The following NRDC variants were observed in gnomAD, a reference collection of about 807,000 sequenced individuals.
NRDC encodes nardilysin convertase, also known as nardilysin.
In NRDC, 54 loss-of-function variants were observed where a neutral mutation model predicts 147.1. That is an observed-to-expected ratio of 0.37 (90% confidence interval 0.29 to 0.46). NRDC has a LOEUF of 0.46. NRDC is among the 20% of genes least tolerant of loss of function. NRDC has a pLI of 1.00. For missense variants in NRDC, 1,082 were observed against 1,370.6 expected (o/e 0.79, Z 3.33); for synonymous variants, 440 against 482.1 (o/e 0.91, Z 1.14).
chr1:51,859,047 T>C (rs1361777107), intron 1 of NRDC, among the ~76,000 whole-genome samples: 6 of 152,234 alleles, frequency 3.9e-5, no homozygotes, highest in South Asian at 2.1e-4. Context: ...TCTTAGGTTG[T>C]GCTTTTGAGA....
Position 51,792,116 on chromosome 1 carries a change from GCC to G in NRDC, c.2824-20_2824-19del, listed in dbSNP as rs1440387300. The G allele has an allele frequency of 1.2e-6, 2 of 1,613,308 alleles. No individual in the cohort carries two copies. Among genetic ancestry groups the G allele is most frequent in the Non-Finnish European group, 1.7e-6 (2 of 1,179,926 alleles). On this transcript the variant is annotated intron_variant, in intron 25 of 30. Transcript: ENST00000352171. ...ATGTGCATCTGTAATTCAACATACT[GCC>G]CATCAGCCCAACTCCTCCCAGCAGA...
intron 1 of NRDC, among the ~76,000 whole-genome samples, chr1:51,851,096 G>T (rs1331173355): frequency 6.6e-6 from 1 of 152,136 alleles, no homozygotes; most frequent in Non-Finnish European, 1.5e-5. Flanking sequence ...GGACAGATCC[G>T]TGTATTTGGC....
Position 51,794,608 on chromosome 1 carries a change from T to C in NRDC, c.2639A>G (p.Lys880Arg). Reference protein sequence around the residue: ...SMDFLKYVVDKLNFKPLEQEM... With the variant: ...SMDFLKYVVDRLNFKPLEQEM... ...CTGCTCCAGAGGCTTGAAGTTTAGTTTGCTGCAAGAGAATCAGTATGGGTC... is the reference window on the plus strand; with the variant it reads ...CTGCTCCAGAGGCTTGAAGTTTAGTCTGCTGCAAGAGAATCAGTATGGGTC... Residue 880 changes from lysine (K) to arginine (R), a missense_variant and splice_region_variant, in exon 24 of 31, where the codon AAA (lysine) becomes AGA (arginine). By Grantham distance (26) the Lys-to-Arg change is conservative (BLOSUM62 2). This residue lies in a region of NRDC where 635 missense variants were observed against 923.8 expected (regional missense o/e 0.69). Coordinates refer to ENST00000352171, the MANE Select transcript of NRDC (RefSeq NM_001101662.2). The C allele has an allele frequency of 6.2e-7, 1 of 1,614,084 alleles. No homozygotes were observed. The highest frequency in any genetic ancestry group is 1.1e-5 in the South Asian group (1 of 91,086).
intron 9 of NRDC, among the ~76,000 whole-genome samples, chr1:51,818,730 A>G (rs1425742731): frequency 6.6e-6 from 1 of 152,198 alleles, no homozygotes; most frequent in Admixed American, 6.5e-5. Context: ...AAAGCAAAAG[A>G]GACTGGTAAC....
chr1:51,819,675 T>G, intron 9 of NRDC, 125 bp downstream of exon 9: 1 of 728,434 alleles, frequency 1.4e-6, no homozygotes, highest in Non-Finnish European at 2.3e-6. Flanking sequence ...CCCATCTACT[T>G]CCTTTCCAAC....
intron 1 of NRDC, among the ~76,000 whole-genome samples, chr1:51,859,409 CTGG>C (rs1233537285): frequency 6.6e-6 from 1 of 152,208 alleles, no homozygotes; most frequent in African/African-American, 2.4e-5. Flanking sequence ...AGTCAGAGGT[CTGG>C]ATGTATGCCC....
At chr1:51,847,683 G>A (rs961857336) in intron 1 of NRDC, among the ~76,000 whole-genome samples, 10 of 152,162 alleles carry the variant, frequency 6.6e-5, no homozygotes, top group East Asian at 1.9e-4. Flanking sequence ...CCAAGCCCAC[G>A]CCCACCTGGA....
intron 25 of NRDC, 50 bp downstream of exon 25, chr1:51,792,327 T>G (rs568649743): frequency 6.3e-7 from 1 of 1,590,820 alleles, no homozygotes. Context: ...CCGGGCCTCA[T>G]AGTGGGTCAG....
intron 1 of NRDC, among the ~76,000 whole-genome samples, chr1:51,856,004 A>C (rs1682223032): frequency 6.6e-6 from 1 of 152,086 alleles, no homozygotes; most frequent in Non-Finnish European, 1.5e-5. Context: ...TTCATCCAAC[A>C]AATTAACTAA....
rs1444927831 is a variant in NRDC at position 51,834,002 on chromosome 1, T to A, written c.866+15A>T. The A allele has an allele frequency of 3.1e-6, 5 of 1,608,704 alleles. No homozygotes were observed. In the East Asian group the frequency reaches 1.1e-4, roughly 36 times the overall value. On this transcript the variant is annotated intron_variant, in intron 4 of 30. Transcript: ENST00000352171. ...ATTAGATCATTAAAATTAAAGTATA[T>A]TTAGAGTTAGTTACCTATCAAGAGC...
intron 18 of NRDC, among the ~76,000 whole-genome samples, chr1:51,806,570 C>T (rs1354320450): frequency 6.6e-6 from 1 of 152,128 alleles, no homozygotes; most frequent in African/African-American, 2.4e-5. Context: ...AGGTGATATA[C>T]ACAGGGGAAG....
At chr1:51,795,488 G>T in intron 22 of NRDC, 1 of 211,046 alleles carries the variant, frequency 4.7e-6, no homozygotes, top group Non-Finnish European at 9.9e-6. Context: ...CAGAAACTAA[G>T]GCTGGTTCTG....
At chr1:51,845,971 A>C (rs747572125) in intron 1 of NRDC, among the ~76,000 whole-genome samples, 5 of 152,208 alleles carry the variant, frequency 3.3e-5, no homozygotes, top group African/African-American at 1.2e-4. Flanking sequence ...AAAAAAAAAG[A>C]AAGCTATGTG....
At chr1:51,840,582 C>T in intron 1 of NRDC, 68 bp from the exon 2 acceptor site, 1 of 1,050,568 alleles carries the variant, frequency 9.5e-7, no homozygotes, top group East Asian at 2.4e-5. Flanking sequence ...AAGTAATCAG[C>T]TTAGCAGAAT....
intron 23 of NRDC, 56 bp from the exon 24 acceptor site, chr1:51,794,666 C>T: frequency 6.2e-7 from 1 of 1,600,602 alleles, no homozygotes. Context: ...AGAAGCTAGG[C>T]CTTCTAACTT....
intron 27 of NRDC, 124 bp from the exon 28 acceptor site, chr1:51,791,114 G>A: frequency 2.9e-6 from 2 of 688,336 alleles, no homozygotes; most frequent in African/African-American, 1.8e-5. Flanking sequence ...AGGAAAAAAA[G>A]CTAAAGTGTT....
chr1:51,792,310 G>A, intron 25 of NRDC, 67 bp downstream of exon 25: 1 of 1,539,474 alleles, frequency 6.5e-7, no homozygotes, highest in Non-Finnish European at 9.0e-7. Flanking sequence ...AACCCAGGCA[G>A]AAAAGGCCGG....
chr1:51,846,500 C>G (rs754833749), intron 1 of NRDC, among the ~76,000 whole-genome samples: 4 of 152,340 alleles, frequency 2.6e-5, no homozygotes, highest in Non-Finnish European at 5.9e-5. Flanking sequence ...AGAATGAAGC[C>G]GCGGAGCCCC....
Position 51,792,421 on chromosome 1 carries a change from C to G in NRDC, c.2779G>C (p.Gly927Arg). 1 of 1,614,066 alleles carries G rather than the reference C, an allele frequency of 6.2e-7. No individual in the cohort carries two copies. The highest frequency in any genetic ancestry group is 1.1e-5 in the South Asian group (1 of 91,084). Residue 927 changes from glycine to arginine, a missense_variant, in exon 25 of 31, where the codon GGT becomes CGT. Physicochemically the swap from Gly to Arg is moderately radical, Grantham distance 125 (BLOSUM62 -2). Coordinates refer to ENST00000352171, the MANE Select transcript of NRDC (RefSeq NM_001101662.2). ...GTATATTCTCTTAGACTCCTGGTAC[C>G]TGACTGAAAAGAGAAGGTTGTCAGG... ...NSEVTVYYQS[G>R]TRSLREYTLM...
Sources: gnomAD v4.1 joint callset for allele counts (sites outside exome capture counted in the v4.1 genomes callset) on GRCh38, gnomAD v4.1.1 for gene constraint, gnomAD v4.1.1 regional missense constraint, MANE v1.5 for transcripts, NCBI Gene and HGNC (gene_info 2026-07-23, HGNC 2026-07-21) for gene names.